PDCD6: variants seen among roughly 807,000 people sequenced by gnomAD.
PDCD6 encodes programmed cell death 6.
A neutral mutation model predicts 28.3 loss-of-function variants in PDCD6; 12 were observed. The observed-to-expected ratio is 0.42, with a 90% CI of 0.27 to 0.69. The LOEUF (loss-of-function observed/expected upper bound fraction) is 0.69, where lower values mean the gene tolerates loss of function less well. Ranked by LOEUF, PDCD6 falls within the 30% of genes least tolerant of loss-of-function variation. The pLI, the probability that PDCD6 is intolerant of heterozygous loss-of-function variation, is 0.22. For missense variants in PDCD6, 226 were observed against 269.9 expected (o/e 0.84, Z 1.14); for synonymous variants, 92 against 108.0 (o/e 0.85, Z 0.92).
rs184288919 is a variant in PDCD6, at chr5:307,638, C to T, written c.367+878C>T. Among the ~76,000 whole-genome samples, 25 of 152,280 alleles carry T rather than the reference C, an allele frequency of 1.6e-4. No individual in the cohort carries two copies. Among genetic ancestry groups the T allele is most frequent in the South Asian group, 4.1e-4 (2 of 4,822 alleles). On this transcript the variant is annotated intron_variant, in intron 4 of 5. Coordinates refer to ENST00000264933, the MANE Select transcript of PDCD6 (RefSeq NM_013232.4). The surrounding 1 kb of genome is among the most constrained non-coding windows in gnomAD (Gnocchi z 6.1). The stretch of plus-strand genomic sequence containing the variant: ...AGCCTGAGGCTGTTGGTGGCTGCAC[C>T]GAGATTCTAATCCATGCGGATCTCA...
intron 2 of PDCD6, chr5:290,186 C>G (rs1476325775): frequency 2.1e-5 from 34 of 1,586,688 alleles, no homozygotes; most frequent in Non-Finnish European, 2.9e-5. Flanking sequence ...ATAAAATAGC[C>G]TTTAAATTGG....
At chr5:271,894 A>G (rs1366511633) in intron 1 of PDCD6, 73 bp downstream of exon 1, 2 of 790,830 alleles carry the variant, frequency 2.5e-6, no homozygotes, top group Non-Finnish European at 3.6e-6. Flanking sequence ...GACTCCCCCG[A>G]CCAACCCCGT....
Position 271,789 on chromosome 5 carries a change from G to A in PDCD6, c.69G>A (p.Pro23=). 1 of 1,473,538 alleles carries A rather than the reference G, an allele frequency of 6.8e-7. No individual in the cohort carries two copies. The allele number at this position is 1,473,538 out of a possible 1,614,324, so 91.3% of individuals were successfully genotyped here. The change falls in exon 1 of 6, where the codon CCG becomes CCA. Residue 23 remains proline, a synonymous_variant. Transcript: ENST00000264933. ...GPGPAAGAAL[P]DQSFLWNVFQ... The stretch of plus-strand genomic sequence containing the variant: ...GGCCTGCTGCAGGCGCGGCGCTGCC[G>A]GACCAGAGCTTCCTGTGGAACGTTT...
chr5:292,770 G>T (rs997740710), intron 2 of PDCD6, among the ~76,000 whole-genome samples: 1 of 152,200 alleles, frequency 6.6e-6, no homozygotes, highest in Admixed American at 6.5e-5. Context: ...ACTTGGCTCC[G>T]TCTCTGAGTC....
intron 2 of PDCD6, among the ~76,000 whole-genome samples, chr5:299,272 C>T (rs1401103510): frequency 3.6e-5 from 4 of 111,164 alleles, no homozygotes; most frequent in African/African-American, 1.5e-4. Context: ...CAGCTGTTCT[C>T]AGGTTTCTCA....
At chr5:301,581 C>G (rs1386748724) in intron 2 of PDCD6, among the ~76,000 whole-genome samples, 1 of 152,254 alleles carries the variant, frequency 6.6e-6, no homozygotes, top group Admixed American at 6.5e-5. Context: ...AACAGATGCT[C>G]GTCGAGTGCT....
intron 2 of PDCD6, among the ~76,000 whole-genome samples, chr5:301,680 G>T (rs1007056493): frequency 3.5e-5 from 5 of 144,770 alleles, no homozygotes; most frequent in African/African-American, 1.3e-4. Context: ...GTGGGTCGTC[G>T]AGTGCTGCTG....
chr5:296,962 G>A (rs1332247117), intron 2 of PDCD6, among the ~76,000 whole-genome samples: 1 of 152,110 alleles, frequency 6.6e-6, no homozygotes, highest in African/African-American at 2.4e-5. Flanking sequence ...AAGTTCTCTG[G>A]TGCCCGACCC....
intron 3 of PDCD6, 54 bp from the exon 4 acceptor site, chr5:306,548 A>G (rs1740499720): frequency 1.9e-6 from 3 of 1,599,616 alleles, no homozygotes; most frequent in Non-Finnish European, 2.6e-6. Context: ...GGAAGCCTCA[A>G]GTGAGTTTGC....
intron 2 of PDCD6, chr5:276,362 T>C (rs1738202073): frequency 9.7e-7 from 1 of 1,035,790 alleles, no homozygotes; most frequent in Non-Finnish European, 1.2e-6. Context: ...TACTAGGTTG[T>C]GAGCTGCGTG....
intron 2 of PDCD6, among the ~76,000 whole-genome samples, chr5:280,475 A>G (rs1233448887): frequency 5.3e-5 from 7 of 132,586 alleles, no homozygotes; most frequent in Admixed American, 7.8e-5. Flanking sequence ...AAGAGGGGAG[A>G]CCATAGACCG....
intron 2 of PDCD6, among the ~76,000 whole-genome samples, chr5:295,700 G>T (rs575393115): frequency 3.1e-4 from 45 of 146,466 alleles, no homozygotes; most frequent in African/African-American, 1.1e-3. Flanking sequence ...GGTCATGACC[G>T]CACTCAGGGC....
At position 314,824 on chromosome 5, in the gene PDCD6, A is replaced by G; in HGVS notation, c.*309A>G. 1 of 443,252 alleles carries G rather than the reference A, an allele frequency of 2.3e-6. No individual in the cohort carries two copies. The highest frequency in any genetic ancestry group is 4.2e-6 in the Non-Finnish European group (1 of 236,592). The allele number at this position is 443,252 out of a possible 1,614,324, so 27.5% of individuals were successfully genotyped here. A position where few individuals can be genotyped will look rare whatever the true frequency, so the allele number is the denominator to read the frequency against. On this transcript the variant is annotated 3_prime_UTR_variant, in exon 6 of 6. Coordinates refer to ENST00000264933, the MANE Select transcript of PDCD6 (RefSeq NM_013232.4). ...TGCTTTTCTAGATGTCTCTGGTTCT[A>G]TAGTGCAAATGCTTTTATTAGCCAA...
chr5:314,066 C>T (rs898982802), intron 5 of PDCD6, among the ~76,000 whole-genome samples: 6 of 152,090 alleles, frequency 3.9e-5, no homozygotes, highest in East Asian at 1.9e-4. Context: ...ACAGCAGAGG[C>T]GAGCCACTGG....
rs1420777240 is a variant in PDCD6 at position 307,219 on chromosome 5, G to C, written c.367+459G>C. Among the ~76,000 whole-genome samples, 1 of 120,012 alleles carries C rather than the reference G, an allele frequency of 8.3e-6. No individual in the cohort carries two copies. The highest frequency in any genetic ancestry group is 1.6e-5 in the Non-Finnish European group (1 of 61,146). The allele number at this position is 120,012 out of a possible 152,430, so 78.7% of individuals were successfully genotyped here. On this transcript the variant is annotated intron_variant, in intron 4 of 5. Transcript: ENST00000264933. The surrounding 1 kb of genome is among the most constrained non-coding windows in gnomAD (Gnocchi z 6.1). Reference sequence around the variant, plus strand: ...AGGCAGAACGCGTGCCCATTCTCAGGTGTGCTCGGCGTGTGTGTGCTCGGC... The same window carrying C: ...AGGCAGAACGCGTGCCCATTCTCAGCTGTGCTCGGCGTGTGTGTGCTCGGC...
chr5:302,057 A>G (rs1427635982), intron 2 of PDCD6, among the ~76,000 whole-genome samples: 26 of 73,138 alleles, frequency 3.6e-4, no homozygotes, highest in Admixed American at 4.7e-4. Context: ...AGGGCGGATC[A>G]TTGAGTGCTG....
Position 314,621 on chromosome 5 carries a change from TTAGATTTTGTCACG to T in PDCD6, c.*108_*121del, listed in dbSNP as rs1195607678. ...GGTGCAGTTAGATGCTGTTCTTCCT[TTAGATTTTGTCACG>T]TGGGGACCCAGCTGTACATATGTGG... On this transcript the variant is annotated 3_prime_UTR_variant, in exon 6 of 6. Transcript: ENST00000264933. 2.4e-6 allele frequency: 2 copies of T among 826,772 alleles called. No homozygotes were observed. Among genetic ancestry groups the T allele is most frequent in the East Asian group, 5.1e-5 (2 of 39,362 alleles). 51.2% of individuals were successfully genotyped at this position (826,772 alleles called of 1,614,324 possible).
intron 2 of PDCD6, among the ~76,000 whole-genome samples, chr5:287,862 G>C (rs147912904): frequency 6.6e-6 from 1 of 152,176 alleles, no homozygotes; most frequent in Non-Finnish European, 1.5e-5. Flanking sequence ...TTGGAAAGAC[G>C]TGTAATATTC....
chr5:271,838 C>T lies in PDCD6; in HGVS notation c.101+17C>T, dbSNP rs779603764. The T allele has an allele frequency of 1.5e-6, 2 of 1,346,284 alleles. No individual in the cohort carries two copies. The highest frequency in any genetic ancestry group is 9.7e-7 in the Non-Finnish European group (1 of 1,032,940). 83.4% of individuals were successfully genotyped at this position (1,346,284 alleles called of 1,614,324 possible). On this transcript the variant is annotated intron_variant, in intron 1 of 5. Transcript: ENST00000264933. ...TTTCCAGAGGTGCGGCCTGGCACCG[C>T]CCGGGCACCTCCCGCCTCCGCCGCG... is the stretch of plus-strand genomic sequence containing the variant.
Sources: gnomAD v4.1 joint callset for allele counts (sites outside exome capture counted in the v4.1 genomes callset) on GRCh38, gnomAD v4.1.1 for gene constraint, Gnocchi (gnomAD v3.1) non-coding constraint, MANE v1.5 for transcripts, NCBI Gene and HGNC (gene_info 2026-07-23, HGNC 2026-07-21) for gene names.